UBASH3A: variants seen among roughly 807,000 people sequenced by gnomAD.
UBASH3A encodes the protein ubiquitin associated and SH3 domain containing A.
Under a neutral mutation model 73.5 loss-of-function variants are expected in UBASH3A, and 63 were observed. The ratio of observed to expected loss-of-function variants is 0.86; its 90% CI spans 0.70 to 1.06. UBASH3A has a LOEUF of 1.06. Among genes scored for constraint, UBASH3A ranks in the 50% least tolerant of loss-of-function variants. The pLI is 0.00. For missense variants in UBASH3A, 860 were observed against 859.0 expected, an observed-to-expected ratio of 1.00 and a Z score of -0.02; for synonymous variants, 363 against 351.1, an observed-to-expected ratio of 1.03 and a Z score of -0.38.
chr21:42,428,678 C>T (rs984549433), intron 8 of UBASH3A, among the ~76,000 whole-genome samples: 1 of 151,810 alleles, frequency 6.6e-6, no homozygotes, highest in Non-Finnish European at 1.5e-5. Flanking sequence ...TGACCCAATA[C>T]CTGGGTACTG....
In UBASH3A at chr21:42,418,384, C is replaced by T; in HGVS notation, c.838-17C>T. ...AATCTTTGCTCGAGACGTGAAACCC[C>T]TTTGCCTCTTTTCTAGACCCTGAGA... On this transcript the variant is annotated splice_polypyrimidine_tract_variant and intron_variant, in intron 6 of 14. Transcript: ENST00000319294. 6.2e-7 allele frequency: 1 copy of T among 1,603,524 alleles called. No homozygotes were observed. The highest frequency in any genetic ancestry group is 8.5e-7 in the Non-Finnish European group (1 of 1,170,988).
chr21:42,418,249 T>C (rs2053262042), intron 6 of UBASH3A, 152 bp from the exon 7 acceptor site: 2 of 693,368 alleles, frequency 2.9e-6, no homozygotes, highest in South Asian at 3.4e-5. Flanking sequence ...GTGCTATATA[T>C]TGCCAGACAA....
Position 42,443,431 on chromosome 21 carries a change from C to A in UBASH3A, c.1738+13C>A. The A allele has an allele frequency of 6.3e-7, 1 of 1,591,240 alleles. No individual in the cohort carries two copies. Among genetic ancestry groups the A allele is most frequent in the Non-Finnish European group, 8.6e-7 (1 of 1,168,448 alleles). On this transcript the variant is annotated intron_variant, in intron 13 of 14. Coordinates refer to ENST00000319294, the MANE Select transcript of UBASH3A (RefSeq NM_018961.4). The stretch of plus-strand genomic sequence containing the variant: ...TGTCCACAGGACAGTAAGTGCCTCA[C>A]CATCCTCAGTATGAACAGCCCCTGG...
At chr21:42,409,682 G>C in intron 3 of UBASH3A, 74 bp downstream of exon 3, 1 of 1,369,748 alleles carries the variant, frequency 7.3e-7, no homozygotes. Flanking sequence ...GGCCATGATG[G>C]GACAAAGTTG....
Position 42,437,597 on chromosome 21 carries a change from G to A in UBASH3A, c.1486+17G>A, listed in dbSNP as rs1408238900. On this transcript the variant is annotated intron_variant, in intron 11 of 14. Transcript: ENST00000319294. ...TCCTGGAAGGTCAGTGAGAACCTCGGTGAGCCTCTCCTACTGCCTTGACCT... is the reference window on the plus strand; with the variant it reads ...TCCTGGAAGGTCAGTGAGAACCTCGATGAGCCTCTCCTACTGCCTTGACCT... The A allele has an allele frequency of 1.2e-6, 2 of 1,610,368 alleles. No homozygotes were observed. The highest frequency in any genetic ancestry group is 2.2e-5 in the South Asian group (2 of 90,990).
At chr21:42,439,531 C>G (rs1314727785) in intron 11 of UBASH3A, among the ~76,000 whole-genome samples, 1 of 152,168 alleles carries the variant, frequency 6.6e-6, no homozygotes, top group African/African-American at 2.4e-5. Flanking sequence ...ACTCGCGAAT[C>G]CCCAAAGGCC....
intron 11 of UBASH3A, among the ~76,000 whole-genome samples, chr21:42,439,722 CCACACACCACACACACCCA>C (rs1251671206): frequency 1.2e-3 from 163 of 138,706 alleles, no homozygotes; most frequent in African/African-American, 4.0e-3. Flanking sequence ...CCATGCACAC[CCACACACCACACACACCCA>C]CACACACCAC....
At chr21:42,422,954 G>T (rs1487111238) in intron 7 of UBASH3A, among the ~76,000 whole-genome samples, 1 of 152,098 alleles carries the variant, frequency 6.6e-6, no homozygotes, top group Non-Finnish European at 1.5e-5. Flanking sequence ...AAATGGGAGG[G>T]AGTCTTTTCA....
At chr21:42,415,494 G>C (rs1450798555) in intron 5 of UBASH3A, among the ~76,000 whole-genome samples, 1 of 152,220 alleles carries the variant, frequency 6.6e-6, no homozygotes, top group Non-Finnish European at 1.5e-5. Flanking sequence ...GGGGCTCCAG[G>C]GAAAGGCTTG....
chr21:42,407,371 G>A (rs1360842904), intron 2 of UBASH3A, among the ~76,000 whole-genome samples: 2 of 152,164 alleles, frequency 1.3e-5, no homozygotes, highest in Non-Finnish European at 2.9e-5. Flanking sequence ...TCCAGAAAGT[G>A]TAGGCCACGG....
At chr21:42,418,821 G>A (rs1035391747) in intron 7 of UBASH3A, among the ~76,000 whole-genome samples, 1 of 152,288 alleles carries the variant, frequency 6.6e-6, no homozygotes, top group Non-Finnish European at 1.5e-5. Flanking sequence ...GAATTACTCT[G>A]CATTAGAGTA....
chr21:42,446,983 T>C, intron 14 of UBASH3A, 74 bp from the exon 15 acceptor site: 1 of 1,527,398 alleles, frequency 6.5e-7, no homozygotes, highest in Non-Finnish European at 8.9e-7. Flanking sequence ...TGCCTGACAG[T>C]TGGCTTTGGA....
intron 6 of UBASH3A, 34 bp from the exon 7 acceptor site, chr21:42,418,367 C>A (rs1306524687): frequency 6.3e-7 from 1 of 1,590,016 alleles, no homozygotes; most frequent in Non-Finnish European, 8.6e-7. Context: ...TAAATCTTTG[C>A]TCGAGACGTG....
At chr21:42,405,389 C>T (rs968087584) in intron 1 of UBASH3A, among the ~76,000 whole-genome samples, 3 of 152,174 alleles carry the variant, frequency 2.0e-5, no homozygotes, top group Non-Finnish European at 4.4e-5. Flanking sequence ...AAGGAGTCCA[C>T]GCTGGATTTT....
chr21:42,407,558 C>T (rs1406970032), intron 2 of UBASH3A, among the ~76,000 whole-genome samples: 1 of 152,214 alleles, frequency 6.6e-6, no homozygotes, highest in Non-Finnish European at 1.5e-5. Flanking sequence ...CTGTCAAGAG[C>T]ACCCCAACCT....
Position 42,443,365 on chromosome 21 carries a change from T to C in UBASH3A, c.1685T>C (p.Met562Thr), listed in dbSNP as rs148730063. The change falls in exon 13 of 15, where the codon ATG (methionine) becomes ACG (threonine). Residue 562 changes from methionine to threonine, a missense_variant. By Grantham distance (81) the Met-to-Thr change is moderately conservative (BLOSUM62 -1). Transcript: ENST00000319294. Reference sequence around the variant, plus strand: ...CCGGCCGAGAGCTACCAGGAGTACATGGACAGGTGCACGGCGAGCATGGTG... The same window carrying C: ...CCGGCCGAGAGCTACCAGGAGTACACGGACAGGTGCACGGCGAGCATGGTG... ...LMPAESYQEY[M>T]DRCTASMVQI... 7 of 1,613,308 alleles carry C rather than the reference T, an allele frequency of 4.3e-6. No individual in the cohort carries two copies. The highest frequency in any genetic ancestry group is 4.0e-5 in the African/African-American group (3 of 74,840).
chr21:42,429,044 C>A (rs1444655859), intron 8 of UBASH3A, among the ~76,000 whole-genome samples: 1 of 152,170 alleles, frequency 6.6e-6, no homozygotes, highest in African/African-American at 2.4e-5. Context: ...AACCCCATCA[C>A]AAGTGTGCTG....
intron 2 of UBASH3A, 69 bp downstream of exon 2, chr21:42,406,430 C>G (rs1368055582): frequency 1.5e-6 from 2 of 1,346,170 alleles, no homozygotes; most frequent in Non-Finnish European, 2.1e-6. Flanking sequence ...GGACTCCCTC[C>G]CACCAGGGCT....
chr21:42,406,389 G>A (rs575348987), intron 2 of UBASH3A, 28 bp downstream of exon 2: 1 of 1,600,224 alleles, frequency 6.2e-7, no homozygotes, highest in South Asian at 1.1e-5. Context: ...TGTAGACCCA[G>A]GGGCGTTTGG....
Sources: gnomAD v4.1 joint callset for allele counts (sites outside exome capture counted in the v4.1 genomes callset) on GRCh38, gnomAD v4.1.1 for gene constraint, MANE v1.5 for transcripts, NCBI Gene and HGNC (gene_info 2026-07-23, HGNC 2026-07-21) for gene names.